Variants in DIAPH3 observed in about 807,000 individuals in gnomAD.
DIAPH3 encodes the protein protein diaphanous homolog 3.
DIAPH3 carries 117 observed loss-of-function variants against 144.3 expected under a neutral mutation model. The observed-to-expected ratio is 0.81, with a 90% confidence interval of 0.70 to 0.95. The LOEUF is 0.95. Among genes scored for constraint, DIAPH3 ranks in the 40% least tolerant of loss-of-function variants. The pLI, the probability that DIAPH3 is intolerant of heterozygous loss-of-function variation, is 0.00. For missense variants in DIAPH3, 1,421 were observed against 1,412.7 expected (o/e 1.01, Z -0.09); for synonymous variants, 519 against 488.9 (o/e 1.06, Z -0.81).
At chr13:59,709,452 C>T (rs1483057977) in intron 27 of DIAPH3, among the ~76,000 whole-genome samples, 1 of 152,158 alleles carries the variant, frequency 6.6e-6, no homozygotes, top group Non-Finnish European at 1.5e-5. Context: ...ACAGACACTT[C>T]TCAAAAGAAG....
intron 4 of DIAPH3, among the ~76,000 whole-genome samples, chr13:60,067,673 A>C (rs1171533344): frequency 6.6e-6 from 1 of 152,206 alleles, no homozygotes; most frequent in Non-Finnish European, 1.5e-5. Flanking sequence ...TCCTTTAGTC[A>C]TAATTCCTGA....
intron 1 of DIAPH3, among the ~76,000 whole-genome samples, chr13:60,150,751 C>T (rs1459613454): frequency 2.0e-5 from 3 of 152,152 alleles, no homozygotes; most frequent in African/African-American, 7.2e-5. Context: ...TGCCAGGTTG[C>T]TCCAGGCTTG....
At chr13:60,068,052 A>T (rs140813494) in intron 4 of DIAPH3, among the ~76,000 whole-genome samples, 1 of 152,328 alleles carries the variant, frequency 6.6e-6, no homozygotes, top group Non-Finnish European at 1.5e-5. Context: ...GTATTATTCA[A>T]ATTCATTCTT....
intron 4 of DIAPH3, among the ~76,000 whole-genome samples, chr13:60,067,137 T>C (rs1261787262): frequency 6.6e-6 from 1 of 151,878 alleles, no homozygotes; most frequent in Non-Finnish European, 1.5e-5. Context: ...AATGAAACAT[T>C]AGGCAGGCAT....
rs2046393726 is a variant in DIAPH3 at position 59,900,913 on chromosome 13, GA to G, written c.2367+10821del. On this transcript the variant is annotated intron_variant, in intron 20 of 27. Coordinates refer to ENST00000400324, the MANE Select transcript of DIAPH3 (RefSeq NM_001042517.2). Reference sequence around the variant, plus strand: ...ACTCTTATCTAATTTTACAGCCTAAGAACCTGGAGTTATTCATGATTCCTCC... The same window carrying G: ...ACTCTTATCTAATTTTACAGCCTAAGACCTGGAGTTATTCATGATTCCTCC... 2.0e-5 allele frequency among the ~76,000 whole-genome samples: 3 copies of G among 152,248 alleles called. No individual in the cohort carries two copies. In the East Asian group the frequency reaches 5.8e-4, roughly 29 times the overall value.
At chr13:59,966,900 T>A (rs1366726092) in intron 17 of DIAPH3, among the ~76,000 whole-genome samples, 2 of 152,144 alleles carry the variant, frequency 1.3e-5, no homozygotes, top group Admixed American at 6.5e-5. Context: ...GTAATTACCA[T>A]CCTTCCCTAC....
chr13:60,119,703 C>T lies in DIAPH3; in HGVS notation c.214-7517G>A, dbSNP rs1198838417. Among the ~76,000 whole-genome samples, 4 of 143,748 alleles carry T rather than the reference C, an allele frequency of 2.8e-5. No individual in the cohort carries two copies. The Admixed American group carries it at 2.8e-4, about 10-fold the overall frequency. 94.3% of individuals were successfully genotyped at this position (143,748 alleles called of 152,430 possible). A position where few individuals can be genotyped will look rare whatever the true frequency, so the allele number is the denominator to read the frequency against. ...CGGAGCTTGCAGTGAGCCGAGATCC[C>T]GCCACTGCACTCCAGCCTGGGCGAC... is the stretch of plus-strand genomic sequence containing the variant. On this transcript the variant is annotated intron_variant, in intron 2 of 27. Coordinates refer to ENST00000400324, the MANE Select transcript of DIAPH3 (RefSeq NM_001042517.2).
chr13:59,829,791 A>G (rs967685366), intron 24 of DIAPH3, among the ~76,000 whole-genome samples: 2 of 151,936 alleles, frequency 1.3e-5, no homozygotes, highest in African/African-American at 2.4e-5. Flanking sequence ...TGCTCCAAAC[A>G]TAGGAAACAG....
chr13:59,743,580 C>CAAAT (rs939805656), intron 27 of DIAPH3, among the ~76,000 whole-genome samples: 1 of 152,096 alleles, frequency 6.6e-6, no homozygotes, highest in African/African-American at 2.4e-5. Flanking sequence ...AAGAAAAGTG[C>CAAAT]AAATATTCCT....
chr13:59,999,074 G>T (rs923297160), intron 9 of DIAPH3, among the ~76,000 whole-genome samples: 1 of 152,008 alleles, frequency 6.6e-6, no homozygotes, highest in Non-Finnish European at 1.5e-5. Context: ...TAAAACCTGG[G>T]TAAACTTTGA....
chr13:60,087,960 T>C (rs1250899890), intron 4 of DIAPH3, among the ~76,000 whole-genome samples: 2 of 152,164 alleles, frequency 1.3e-5, no homozygotes, highest in Non-Finnish European at 2.9e-5. Context: ...TATCACAACT[T>C]CTGACTCCAA....
chr13:60,070,282 AT>A (rs61432510), intron 4 of DIAPH3, among the ~76,000 whole-genome samples: 118,439 of 132,560 alleles, frequency 0.89, 52,768 homozygotes, highest in East Asian at 0.94. Flanking sequence ...TTTCTGTTGG[AT>A]TTTTTTTTTT....
At chr13:60,006,108 C>A (rs542939971) in intron 9 of DIAPH3, among the ~76,000 whole-genome samples, 1 of 152,070 alleles carries the variant, frequency 6.6e-6, no homozygotes, top group Non-Finnish European at 1.5e-5. Flanking sequence ...TTTAAATCAA[C>A]GTAGTTTGCC....
chr13:60,149,294 T>C (rs1951674135), intron 1 of DIAPH3, among the ~76,000 whole-genome samples: 1 of 152,204 alleles, frequency 6.6e-6, no homozygotes, highest in East Asian at 1.9e-4. Flanking sequence ...GTCGCAGATA[T>C]AGACAATTAC....
intron 3 of DIAPH3, among the ~76,000 whole-genome samples, chr13:60,105,099 C>CAAAAAAAAAAAACAAAAAAAAAAAAAA (rs530311392): frequency 2.4e-5 from 1 of 41,826 alleles, no homozygotes; most frequent in African/African-American, 1.0e-4. Context: ...GACACGATCT[C>CAAAAAAAAAAAACAAAAAAAAAAAAAA]AAAAAAAAAA....
intron 5 of DIAPH3, among the ~76,000 whole-genome samples, chr13:60,028,541 C>A (rs74391148): frequency 0.015 from 2,313 of 152,200 alleles, 74 homozygotes; most frequent in African/African-American, 0.053. Context: ...TCACCTATTT[C>A]TGGACACTTT....
intron 17 of DIAPH3, among the ~76,000 whole-genome samples, chr13:59,934,866 C>T (rs530162452): frequency 9.9e-5 from 15 of 152,170 alleles, no homozygotes; most frequent in Non-Finnish European, 1.8e-4. Context: ...AGGATAACTC[C>T]CCACACTTTG....
chr13:59,678,936 A>G (rs1400991166), intron 27 of DIAPH3, among the ~76,000 whole-genome samples: 2 of 152,222 alleles, frequency 1.3e-5, no homozygotes, highest in African/African-American at 4.8e-5. Flanking sequence ...ACATGACTAC[A>G]TGACAACTCA....
At chr13:59,978,732 C>T (rs146207433) in intron 14 of DIAPH3, among the ~76,000 whole-genome samples, 2 of 151,538 alleles carry the variant, frequency 1.3e-5, no homozygotes, top group South Asian at 2.1e-4. Context: ...TAAAAGCACA[C>T]CTTATAAAAA....
Sources: allele counts gnomAD v4.1 joint callset (sites outside exome capture counted in the v4.1 genomes callset), GRCh38; gene constraint gnomAD v4.1.1; transcripts MANE v1.5; gene names NCBI Gene and HGNC (gene_info 2026-07-23, HGNC 2026-07-21).